Variants in PLCB1 observed in about 807,000 individuals in gnomAD.
PLCB1 encodes 1-phosphatidylinositol 4,5-bisphosphate phosphodiesterase beta-1.
A neutral mutation model predicts 161.8 loss-of-function variants in PLCB1; 46 were observed. The ratio of observed to expected loss-of-function variants is 0.28; its 90% CI spans 0.22 to 0.36. The LOEUF is 0.36. PLCB1 is among the 10% of genes least tolerant of loss of function. The probability of loss-of-function intolerance (pLI) is 1.00; values close to 1 mark genes in which losing one functional copy is unlikely to be tolerated. For synonymous variants in PLCB1, 517 were observed against 503.7 expected, an observed-to-expected ratio of 1.03 and a Z score of -0.35; for missense variants, 1,016 against 1,472.5, an observed-to-expected ratio of 0.69 and a Z score of 5.07.
chr20:8,313,325 T>C (rs924846949), intron 2 of PLCB1, among the ~76,000 whole-genome samples: 1 of 152,152 alleles, frequency 6.6e-6, no homozygotes, highest in African/African-American at 2.4e-5. Flanking sequence ...GGCTGGTGTT[T>C]GAGATGATGG....
chr20:8,880,555 A>G (rs1987935342), intron 31 of PLCB1, among the ~76,000 whole-genome samples: 1 of 152,256 alleles, frequency 6.6e-6, no homozygotes. Context: ...AAGTCAAAAT[A>G]AAAGTTCAAG....
chr20:8,689,115 G>C (rs1157415776), intron 10 of PLCB1, among the ~76,000 whole-genome samples: 1 of 151,694 alleles, frequency 6.6e-6, no homozygotes, highest in Admixed American at 6.6e-5. Flanking sequence ...TATTGTAAAA[G>C]GGTTGAGTTC....
intron 2 of PLCB1, among the ~76,000 whole-genome samples, chr20:8,246,083 T>G (rs1479519982): frequency 6.6e-6 from 1 of 151,916 alleles, no homozygotes; most frequent in African/African-American, 2.4e-5. Context: ...ATAGGGTGGT[T>G]TATAGGAGAA....
At chr20:8,402,007 A>G (rs1434378040) in intron 3 of PLCB1, among the ~76,000 whole-genome samples, 3 of 152,176 alleles carry the variant, frequency 2.0e-5, no homozygotes, top group African/African-American at 7.2e-5. Context: ...TTGGAATGCT[A>G]TCTTGGTTAT....
At position 8,132,724 on chromosome 20, in the gene PLCB1, G is replaced by C. The variant is rs753543778; in HGVS notation, c.73G>C (p.Gly25Arg). The C allele has an allele frequency of 1.2e-6, 2 of 1,612,712 alleles. No homozygotes were observed. Among genetic ancestry groups the C allele is most frequent in the African/African-American group, 2.7e-5 (2 of 74,850 alleles). The stretch of plus-strand genomic sequence containing the variant: ...GTGCGTGTCCGACAGCCTCAAGAAG[G>C]GCACCAAATTCGTCAAGTGGGATGA... ...PVCVSDSLKK[G>R]TKFVKWDDDS... The change falls in exon 1 of 32, where the codon GGC (glycine) becomes CGC (arginine). Residue 25 changes from glycine to arginine, a missense_variant. By Grantham distance (125) the Gly-to-Arg change is moderately radical. Transcript: ENST00000338037. The surrounding 1 kb of genome is among the most constrained non-coding windows in gnomAD (Gnocchi z 5.2).
chr20:8,819,157 G>A (rs1482637793), intron 31 of PLCB1, among the ~76,000 whole-genome samples: 1 of 152,078 alleles, frequency 6.6e-6, no homozygotes, highest in Non-Finnish European at 1.5e-5. Flanking sequence ...TAAGATATTA[G>A]TGGGATACTG....
chr20:8,219,001 G>A (rs1402078429), intron 2 of PLCB1, among the ~76,000 whole-genome samples: 1 of 152,010 alleles, frequency 6.6e-6, no homozygotes, highest in Non-Finnish European at 1.5e-5. Context: ...CTAAATTGAG[G>A]GATGATTTCC....
intron 3 of PLCB1, among the ~76,000 whole-genome samples, chr20:8,468,229 A>G (rs1445464520): frequency 6.6e-6 from 1 of 152,208 alleles, no homozygotes; most frequent in Non-Finnish European, 1.5e-5. Context: ...ATTTTGATCT[A>G]GGTAGTAGTT....
At chr20:8,457,712 G>GCACA (rs1431415455) in intron 3 of PLCB1, among the ~76,000 whole-genome samples, 22 of 70,674 alleles carry the variant, frequency 3.1e-4, no homozygotes, top group African/African-American at 1.6e-3. Flanking sequence ...TAATGTGTGC[G>GCACA]CGCACACACA....
intron 3 of PLCB1, among the ~76,000 whole-genome samples, chr20:8,451,974 A>G (rs892258392): frequency 3.5e-4 from 54 of 152,218 alleles, no homozygotes; most frequent in African/African-American, 1.3e-3. Context: ...TAGTTTTGAC[A>G]TTCATTGCAC....
intron 31 of PLCB1, among the ~76,000 whole-genome samples, chr20:8,836,668 T>C (rs774806847): frequency 7.2e-5 from 11 of 152,186 alleles, no homozygotes; most frequent in Non-Finnish European, 1.3e-4. Flanking sequence ...AATATTACCA[T>C]TGGATACTCC....
chr20:8,215,299 C>T (rs1405763591), intron 2 of PLCB1, among the ~76,000 whole-genome samples: 9 of 151,884 alleles, frequency 5.9e-5, no homozygotes, highest in African/African-American at 1.9e-4. Flanking sequence ...GCCGTAAAAA[C>T]CTGAAAACTT....
chr20:8,829,572 C>CTGCT (rs1308327345), intron 31 of PLCB1, among the ~76,000 whole-genome samples: 2 of 152,206 alleles, frequency 1.3e-5, no homozygotes, highest in African/African-American at 4.8e-5. Context: ...AGACTTCTCA[C>CTGCT]TGCTTCAGTA....
intron 31 of PLCB1, among the ~76,000 whole-genome samples, chr20:8,857,797 C>T (rs1987119142): frequency 6.6e-6 from 1 of 152,136 alleles, no homozygotes; most frequent in Non-Finnish European, 1.5e-5. Flanking sequence ...CTAGATCTGC[C>T]TTTTTCTGAT....
At chr20:8,374,772 G>A (rs1338526063) in intron 3 of PLCB1, among the ~76,000 whole-genome samples, 1 of 152,306 alleles carries the variant, frequency 6.6e-6, no homozygotes, top group Admixed American at 6.5e-5. Context: ...AGGACAGATT[G>A]AGTGCAAGAC....
At chr20:8,747,622 A>G (rs1981238906) in intron 23 of PLCB1, among the ~76,000 whole-genome samples, 2 of 152,188 alleles carry the variant, frequency 1.3e-5, no homozygotes, top group African/African-American at 2.4e-5. Flanking sequence ...GTTTGCAAAT[A>G]TTAGCTGGGT....
At chr20:8,188,503 G>A (rs1186411875) in intron 2 of PLCB1, among the ~76,000 whole-genome samples, 1 of 152,152 alleles carries the variant, frequency 6.6e-6, no homozygotes, top group East Asian at 1.9e-4. Context: ...AATTAGCAGA[G>A]GAGATGCATT....
intron 31 of PLCB1, among the ~76,000 whole-genome samples, chr20:8,852,587 A>T (rs1986925937): frequency 6.6e-6 from 1 of 152,184 alleles, no homozygotes. Flanking sequence ...GGTCAGTTAC[A>T]GACAAGGGGC....
intron 2 of PLCB1, among the ~76,000 whole-genome samples, chr20:8,162,538 A>G (rs1048723149): frequency 1.1e-4 from 17 of 152,206 alleles, no homozygotes; most frequent in Non-Finnish European, 7.3e-5. Context: ...TCACCTCTAC[A>G]TGATACATTT....
Sources: gnomAD v4.1 joint callset for allele counts (sites outside exome capture counted in the v4.1 genomes callset) on GRCh38, gnomAD v4.1.1 for gene constraint, Gnocchi (gnomAD v3.1) non-coding constraint, MANE v1.5 for transcripts, NCBI Gene and HGNC (gene_info 2026-07-23, HGNC 2026-07-21) for gene names.